Variants in PCLO observed in about 807,000 individuals in gnomAD.
PCLO encodes the protein protein piccolo.
Under a neutral mutation model 427.5 loss-of-function variants are expected in PCLO, and 82 were observed. The observed-to-expected ratio is 0.19, with a 90% CI of 0.16 to 0.23. The LOEUF is 0.23. Among genes scored for constraint, PCLO ranks in the 10% least tolerant of loss-of-function variants. PCLO has a pLI of 1.00. For synonymous variants in PCLO, 2,357 were observed against 2,155.4 expected (o/e 1.09, Z -2.59); for missense variants, 6,239 against 6,115.9 (o/e 1.02, Z -0.67).
chr7:83,079,898 A>C (rs1790052621), intron 3 of PCLO, among the ~76,000 whole-genome samples: 1 of 150,496 alleles, frequency 6.6e-6, no homozygotes, highest in Admixed American at 6.6e-5. Flanking sequence ...CACAGACCCC[A>C]ATGTTGTTGT....
intron 10 of PCLO, among the ~76,000 whole-genome samples, chr7:82,858,712 T>C (rs1368528553): frequency 6.6e-6 from 1 of 152,072 alleles, no homozygotes; most frequent in Non-Finnish European, 1.5e-5. Flanking sequence ...TGAAATATCA[T>C]ATATGATAGC....
chr7:83,054,976 T>A (rs1024822708), intron 3 of PCLO, among the ~76,000 whole-genome samples: 3 of 152,130 alleles, frequency 2.0e-5, no homozygotes, highest in African/African-American at 7.2e-5. Flanking sequence ...GTATCTTGTA[T>A]ATTTTTATTT....
chr7:82,904,880 G>A (rs1455115738), intron 8 of PCLO, among the ~76,000 whole-genome samples: 1 of 152,016 alleles, frequency 6.6e-6, no homozygotes, highest in East Asian at 1.9e-4. Context: ...CTGTCTGCAA[G>A]CAGCTTCATA....
chr7:83,069,828 A>ACACACACACACAC, intron 3 of PCLO, among the ~76,000 whole-genome samples: 1 of 59,772 alleles, frequency 1.7e-5, no homozygotes, highest in East Asian at 8.7e-4. Flanking sequence ...CACACACACA[A>ACACACACACACAC]AGACTGATGA....
intron 3 of PCLO, among the ~76,000 whole-genome samples, chr7:83,060,440 G>C (rs909253151): frequency 1.3e-5 from 2 of 152,146 alleles, no homozygotes; most frequent in Admixed American, 6.5e-5. Flanking sequence ...ACAAGGGCTA[G>C]AGACCTGCCC....
intron 4 of PCLO, among the ~76,000 whole-genome samples, chr7:82,963,412 C>T (rs543879730): frequency 1.9e-4 from 29 of 151,872 alleles, no homozygotes; most frequent in African/African-American, 2.9e-4. Flanking sequence ...CTTATTTGTG[C>T]GATTGCCAAT....
intron 22 of PCLO, among the ~76,000 whole-genome samples, chr7:82,782,657 CTTT>C (rs1315146468): frequency 6.6e-6 from 1 of 152,074 alleles, no homozygotes; most frequent in East Asian, 1.9e-4. Flanking sequence ...AGCTTTGAAA[CTTT>C]TTTACGTTAA....
At chr7:82,815,169 A>G (rs1791651878) in intron 20 of PCLO, among the ~76,000 whole-genome samples, 1 of 152,048 alleles carries the variant, frequency 6.6e-6, no homozygotes. Context: ...ATTTTATCAT[A>G]AAATCTTGTC....
chr7:82,835,387 G>A (rs1240296293), intron 16 of PCLO, among the ~76,000 whole-genome samples: 3 of 152,254 alleles, frequency 2.0e-5, no homozygotes, highest in East Asian at 1.9e-4. Context: ...TAGATTATGA[G>A]ACTTTAGTTA....
chr7:82,825,525 T>C (rs1791913512), intron 18 of PCLO, among the ~76,000 whole-genome samples: 2 of 151,800 alleles, frequency 1.3e-5, no homozygotes, highest in Admixed American at 1.3e-4. Flanking sequence ...AAGGATGTCG[T>C]ATTTTGTAGG....
At chr7:82,921,099 A>C (rs893545337) in intron 6 of PCLO, among the ~76,000 whole-genome samples, 4 of 151,892 alleles carry the variant, frequency 2.6e-5, no homozygotes, top group African/African-American at 9.7e-5. Flanking sequence ...CTAATAAATT[A>C]TGAATATTTT....
chr7:82,838,518 A>G (rs1584031943), intron 14 of PCLO, among the ~76,000 whole-genome samples, 176 bp from the exon 15 acceptor site: 1 of 152,110 alleles, frequency 6.6e-6, no homozygotes, highest in East Asian at 1.9e-4. Flanking sequence ...GCTCCCAGGC[A>G]TATTTTAATT....
At position 83,049,644 on chromosome 7, in the gene PCLO, T is replaced by A. The variant is rs568388842; in HGVS notation, c.3301-83157A>T. 3.9e-5 allele frequency among the ~76,000 whole-genome samples: 6 copies of A among 152,192 alleles called. No individual in the cohort carries two copies. The East Asian group carries it at 1.2e-3, about 29-fold the overall frequency. ...GGTCAGGTCACAATGCTCCTACAAA[T>A]CTTTAACACAACATTAGTACTTCTA... On this transcript the variant is annotated intron_variant, in intron 3 of 24. Coordinates refer to ENST00000333891, the MANE Select transcript of PCLO (RefSeq NM_033026.6).
At chr7:82,843,072 G>A (rs1226574797) in intron 13 of PCLO, among the ~76,000 whole-genome samples, 2 of 152,044 alleles carry the variant, frequency 1.3e-5, no homozygotes, top group African/African-American at 2.4e-5. Context: ...CAAAGGAAAC[G>A]AGATCAGTAT....
At position 83,134,348 on chromosome 7, in the gene PCLO, T is replaced by G; in HGVS notation, c.3202A>C (p.Ile1068Leu). The change falls in exon 3 of 25, where the codon ATA becomes CTA. Residue 1068 changes from isoleucine (I) to leucine (L), a missense_variant. Ile to Leu is a conservative substitution (Grantham distance 5, BLOSUM62 2). Coordinates refer to ENST00000333891, the MANE Select transcript of PCLO (RefSeq NM_033026.6). ...AAGTTAGGAGGATCCTTAGAACCTA[T>G]GTTGAGTTCAGTTTTGCAGAGAGGA... ...TCPLCKTELN[I>L]GSKDPPNFNT... The G allele has an allele frequency of 6.2e-7, 1 of 1,612,794 alleles. No homozygotes were observed. Among genetic ancestry groups the G allele is most frequent in the African/African-American group, 1.3e-5 (1 of 75,000 alleles).
chr7:82,912,387 T>C (rs757882028), intron 7 of PCLO, among the ~76,000 whole-genome samples: 2 of 151,818 alleles, frequency 1.3e-5, no homozygotes, highest in Non-Finnish European at 2.9e-5. Context: ...ATGTGATACA[T>C]AAACAAAGAA....
chr7:82,763,008 A>T (rs548151222), intron 22 of PCLO, among the ~76,000 whole-genome samples: 3 of 152,158 alleles, frequency 2.0e-5, no homozygotes, highest in Non-Finnish European at 4.4e-5. Context: ...TGGCCCGATC[A>T]TGGCTCACTG....
intron 4 of PCLO, among the ~76,000 whole-genome samples, chr7:82,962,021 C>T (rs555274942): frequency 6.6e-6 from 1 of 152,256 alleles, no homozygotes; most frequent in South Asian, 2.1e-4. Flanking sequence ...GTTTTCATAA[C>T]AAGGTGAGAA....
At chr7:83,001,503 C>CG (rs1429174912) in intron 3 of PCLO, among the ~76,000 whole-genome samples, 60 of 105,634 alleles carry the variant, frequency 5.7e-4, no homozygotes, top group African/African-American at 2.6e-3. Flanking sequence ...AACACACATA[C>CG]AAACACACAC....
Sources: gnomAD v4.1 joint callset for allele counts (sites outside exome capture counted in the v4.1 genomes callset) on GRCh38, gnomAD v4.1.1 for gene constraint, MANE v1.5 for transcripts, NCBI Gene and HGNC (gene_info 2026-07-23, HGNC 2026-07-21) for gene names.